Variants in NR3C1 observed in about 807,000 individuals in gnomAD.
NR3C1 encodes the protein glucocorticoid receptor.
NR3C1 carries 14 observed loss-of-function variants against 74.0 expected under a neutral mutation model. The ratio of observed to expected loss-of-function variants is 0.19; its 90% CI spans 0.12 to 0.30. NR3C1 has a LOEUF of 0.30. Ranked by LOEUF, NR3C1 falls within the 10% of genes least tolerant of loss-of-function variation. The probability of loss-of-function intolerance (pLI) is 1.00; values close to 1 mark genes in which losing one functional copy is unlikely to be tolerated. For synonymous variants in NR3C1, 308 were observed against 332.5 expected (o/e 0.93, Z 0.80); for missense variants, 695 against 909.8 (o/e 0.76, Z 3.04).
At chr5:143,412,994 C>T (rs1841346995) in intron 1 of NR3C1, among the ~76,000 whole-genome samples, 1 of 152,024 alleles carries the variant, frequency 6.6e-6, no homozygotes, top group South Asian at 2.1e-4. Context: ...CCATTCATTC[C>T]TTCAACAAAA....
At position 143,392,519 on chromosome 5, in the gene NR3C1, G is replaced by GT. The variant is rs200004760; in HGVS notation, c.1184+7136dup. On this transcript the variant is annotated intron_variant, in intron 2 of 8. Transcript: ENST00000394464. ...TTCAGATAAGTGTTAAGGTTTCCTG[G>GT]TTTTTTTTTTCTTTTTCTCTTTAAA... Among the ~76,000 whole-genome samples the GT allele has an allele frequency of 3.8e-3, 565 of 149,112 alleles. 3 individuals carry two copies. The highest frequency in any genetic ancestry group is 0.024 in the East Asian group (123 of 5,130).
In NR3C1 at chr5:143,279,849, T is replaced by TATTAGATG. The variant is rs1812838533; in HGVS notation, c.*2032_*2039dup. 6.3e-6 allele frequency: 1 copy of TATTAGATG among 159,702 alleles called. No homozygotes were observed. Among genetic ancestry groups the TATTAGATG allele is most frequent in the South Asian group, 1.9e-4 (1 of 5,332 alleles). 9.9% of individuals were successfully genotyped at this position (159,702 alleles called of 1,614,324 possible). ...AGGGCTGTATGTGAAAGTAACCCGC[T>TATTAGATG]ATTAGATGGTGCCTTTAAGGATGTA... On this transcript the variant is annotated 3_prime_UTR_variant, in exon 9 of 9. Coordinates refer to ENST00000394464, the MANE Select transcript of NR3C1 (RefSeq NM_000176.3).
intron 7 of NR3C1, among the ~76,000 whole-genome samples, chr5:143,293,233 C>A (rs1234567202): frequency 6.6e-6 from 1 of 152,162 alleles, no homozygotes; most frequent in Non-Finnish European, 1.5e-5. Flanking sequence ...TTGCAGCAAC[C>A]TGGATGGAAC....
chr5:143,279,414 A>G lies in NR3C1; in HGVS notation c.*2475T>C. 2.0e-6 allele frequency: 3 copies of G among 1,531,290 alleles called. No individual in the cohort carries two copies. The highest frequency in any genetic ancestry group is 2.6e-6 in the Non-Finnish European group (3 of 1,141,488). 94.9% of individuals were successfully genotyped at this position (1,531,290 alleles called of 1,614,324 possible). On this transcript the variant is annotated 3_prime_UTR_variant, in exon 9 of 9. Coordinates refer to ENST00000394464, the MANE Select transcript of NR3C1 (RefSeq NM_000176.3). ...TCTGGTTTTAACCACATAACATTCTATAAAGGAATGATAATCTACGTTTTA... is the reference window on the plus strand; with the variant it reads ...TCTGGTTTTAACCACATAACATTCTGTAAAGGAATGATAATCTACGTTTTA...
chr5:143,387,603 G>C (rs1391257040), intron 2 of NR3C1, among the ~76,000 whole-genome samples: 2 of 152,012 alleles, frequency 1.3e-5, no homozygotes, highest in South Asian at 2.1e-4. Context: ...CATTAGAGCA[G>C]TTCATTCTTA....
At chr5:143,296,305 A>G (rs1817180154) in intron 6 of NR3C1, among the ~76,000 whole-genome samples, 1 of 151,908 alleles carries the variant, frequency 6.6e-6, no homozygotes, top group Non-Finnish European at 1.5e-5. Context: ...TTTCTGACAG[A>G]AAGTCGTCTT....
Position 143,421,097 on chromosome 5 carries a change from C to A in NR3C1, c.-14+13435G>T, listed in dbSNP as rs143020846. Reference sequence around the variant, plus strand: ...CCTAGTTTGGGAGTCTTTTCCAGAGCAGAGAAAATTCTGGAAACTTGCAAC... The same window carrying A: ...CCTAGTTTGGGAGTCTTTTCCAGAGAAGAGAAAATTCTGGAAACTTGCAAC... On this transcript the variant is annotated intron_variant, in intron 1 of 8. Transcript: ENST00000343796. Among the ~76,000 whole-genome samples, 78 of 152,186 alleles carry A rather than the reference C, an allele frequency of 5.1e-4. 2 individuals are homozygous for A. In the East Asian group the frequency reaches 0.015, roughly 29 times the overall value.
In NR3C1 at chr5:143,400,591, T is replaced by C. The variant is rs773961583; in HGVS notation, c.249A>G (p.Ser83=). The change falls in exon 2 of 9, where the codon TCA becomes TCG. Residue 83 remains serine (S), a synonymous_variant. Coordinates refer to ENST00000394464, the MANE Select transcript of NR3C1 (RefSeq NM_000176.3). ...CTCCCATATACAGTCCCATTGAGAG[T>C]GAAACTGCTTTGGACAGATCTGGCT... ...AQQPDLSKAV[S]LSMGLYMGET... is the part of the protein sequence containing the mutation. 3 of 1,614,166 alleles carry C rather than the reference T, an allele frequency of 1.9e-6. No individual in the cohort carries two copies. In the East Asian group the frequency reaches 6.7e-5, roughly 36 times the overall value.
intron 2 of NR3C1, among the ~76,000 whole-genome samples, chr5:143,324,230 C>T (rs887145131): frequency 1.3e-5 from 2 of 152,242 alleles, no homozygotes; most frequent in African/African-American, 4.8e-5. Flanking sequence ...CCATGACAGC[C>T]CTGCCCTGCA....
chr5:143,346,425 T>C (rs779489352), intron 2 of NR3C1, among the ~76,000 whole-genome samples: 3 of 152,242 alleles, frequency 2.0e-5, no homozygotes, highest in Admixed American at 6.5e-5. Context: ...GATTTCTATC[T>C]AGCCTTTTAA....
chr5:143,377,669 C>T (rs559481147), intron 2 of NR3C1, among the ~76,000 whole-genome samples: 24 of 152,356 alleles, frequency 1.6e-4, no homozygotes, highest in African/African-American at 5.8e-4. Context: ...CACTGATACA[C>T]CCTATCAGCA....
At chr5:143,388,324 A>G (rs1837623082) in intron 2 of NR3C1, among the ~76,000 whole-genome samples, 1 of 152,288 alleles carries the variant, frequency 6.6e-6, no homozygotes, top group Non-Finnish European at 1.5e-5. Flanking sequence ...TCTCTCTCTC[A>G]GTGATATTCA....
At chr5:143,419,758 C>A (rs1053084955) in intron 1 of NR3C1, among the ~76,000 whole-genome samples, 1 of 152,142 alleles carries the variant, frequency 6.6e-6, no homozygotes, top group African/African-American at 2.4e-5. Flanking sequence ...AAATTGCTAA[C>A]AAAGTTTTGG....
At chr5:143,366,456 G>T (rs965838938) in intron 2 of NR3C1, among the ~76,000 whole-genome samples, 1 of 151,166 alleles carries the variant, frequency 6.6e-6, no homozygotes, top group Non-Finnish European at 1.5e-5. Context: ...GCTGCAATGA[G>T]CCGAGATTGC....
chr5:143,342,881 C>A (rs1311944833), intron 2 of NR3C1, among the ~76,000 whole-genome samples: 1 of 152,144 alleles, frequency 6.6e-6, no homozygotes, highest in East Asian at 1.9e-4. Context: ...TCAGAGAAGT[C>A]TTCTGATTTG....
At chr5:143,317,285 A>G (rs948791706) in intron 2 of NR3C1, among the ~76,000 whole-genome samples, 5 of 152,200 alleles carry the variant, frequency 3.3e-5, no homozygotes, top group African/African-American at 4.8e-5. Flanking sequence ...TATTAAGGAT[A>G]CATGGCAGAA....
intron 2 of NR3C1, among the ~76,000 whole-genome samples, chr5:143,343,736 A>G (rs1600133469): frequency 6.6e-6 from 1 of 152,174 alleles, no homozygotes; most frequent in Admixed American, 6.5e-5. Flanking sequence ...TTTAATCTTC[A>G]TAATATTCTT....
chr5:143,378,133 C>T (rs1835547611), intron 2 of NR3C1, among the ~76,000 whole-genome samples: 2 of 152,048 alleles, frequency 1.3e-5, no homozygotes, highest in Admixed American at 6.6e-5. Flanking sequence ...CACCTATAGT[C>T]CAAGCTACTT....
At chr5:143,340,293 C>T (rs982938246) in intron 2 of NR3C1, among the ~76,000 whole-genome samples, 10 of 151,992 alleles carry the variant, frequency 6.6e-5, no homozygotes, top group Admixed American at 6.6e-4. Flanking sequence ...AAATTGAAGT[C>T]TCTTATACCC....
Sources: allele counts gnomAD v4.1 joint callset (sites outside exome capture counted in the v4.1 genomes callset), GRCh38; gene constraint gnomAD v4.1.1; transcripts MANE v1.5; gene names NCBI Gene and HGNC (gene_info 2026-07-23, HGNC 2026-07-21).